Variants in SDHAF4 observed in about 807,000 individuals in gnomAD.
The protein encoded by SDHAF4 is succinate dehydrogenase assembly factor 4, mitochondrial.
A neutral mutation model predicts 14.3 loss-of-function variants in SDHAF4; 14 were observed. That is an observed-to-expected ratio of 0.98 (90% CI 0.65 to 1.53). The LOEUF is 1.53. Ranked by LOEUF, SDHAF4 falls within the 40% of genes most tolerant of loss-of-function variation. The probability of loss-of-function intolerance (pLI) is 0.00; values close to 1 mark genes in which losing one functional copy is unlikely to be tolerated. For synonymous variants in SDHAF4, 63 were observed against 47.3 expected, an observed-to-expected ratio of 1.33 and a Z score of -1.36; for missense variants, 141 against 129.3, an observed-to-expected ratio of 1.09 and a Z score of -0.44.
chr6:70,568,836 G>C (rs971193040), intron 1 of SDHAF4, among the ~76,000 whole-genome samples: 2 of 151,828 alleles, frequency 1.3e-5, no homozygotes, highest in African/African-American at 2.4e-5. Flanking sequence ...TTTGCCTTAG[G>C]TTTTAATTTT....
At chr6:70,586,741 G>A (rs1765205499) in intron 2 of SDHAF4, among the ~76,000 whole-genome samples, 1 of 152,078 alleles carries the variant, frequency 6.6e-6, no homozygotes, top group Admixed American at 6.5e-5. Context: ...TAGTGGGAGA[G>A]ACAGACAATA....
Position 70,589,206 on chromosome 6 carries a change from C to T in SDHAF4, c.*482C>T, listed in dbSNP as rs1338820569. On this transcript the variant is annotated 3_prime_UTR_variant, in exon 3 of 3. Coordinates refer to ENST00000370474, the MANE Select transcript of SDHAF4 (RefSeq NM_145267.3). ...TTGAGACAGAGTCTCTCTCTCTCAC[C>T]CAGGCTGGAGTGGAGTGGCACTATC... 1 of 152,076 alleles carries T rather than the reference C, an allele frequency of 6.6e-6. No homozygotes were observed. The highest frequency in any genetic ancestry group is 1.5e-5 in the Non-Finnish European group (1 of 68,070). The allele number at this position is 152,076 out of a possible 1,614,324, so 9.4% of individuals were successfully genotyped here.
At chr6:70,593,511 C>T (rs1765276736), downstream of SDHAF4, among the ~76,000 whole-genome samples, 1 of 152,162 alleles carries the variant, frequency 6.6e-6, no homozygotes, top group African/African-American at 2.4e-5. Context: ...TATGCAACAC[C>T]AGCCTGGAAA....
chr6:70,568,276 CAT>C lies in SDHAF4; in HGVS notation c.64+1283_64+1284del, dbSNP rs977705436. 5.9e-5 allele frequency among the ~76,000 whole-genome samples: 9 copies of C among 151,596 alleles called. No homozygotes were observed. In the South Asian group the frequency reaches 1.5e-3, roughly 25 times the overall value. ...AGTTTTAAACAATTATGAATTATTC[CAT>C]ATATATATATGTATACACACACACA... is the stretch of plus-strand genomic sequence containing the variant. On this transcript the variant is annotated intron_variant, in intron 1 of 2. Transcript: ENST00000370474.
intron 1 of SDHAF4, among the ~76,000 whole-genome samples, chr6:70,569,193 T>C (rs1395728103): frequency 6.6e-6 from 1 of 151,894 alleles, no homozygotes; most frequent in African/African-American, 2.4e-5. Context: ...CTCGATCTCC[T>C]GACCTCGTGA....
At chr6:70,575,726 T>TGTGA (rs141835202) in intron 1 of SDHAF4, among the ~76,000 whole-genome samples, 25 of 151,112 alleles carry the variant, frequency 1.7e-4, no homozygotes, top group Middle Eastern at 3.4e-3. Flanking sequence ...TGTGTGTGTG[T>TGTGA]GAGAGAGAGA....
chr6:70,589,394 G>T lies in SDHAF4; in HGVS notation c.*670G>T, dbSNP rs1765239177. On this transcript the variant is annotated 3_prime_UTR_variant, in exon 3 of 3. Coordinates refer to ENST00000370474, the MANE Select transcript of SDHAF4 (RefSeq NM_145267.3). Reference sequence around the variant, plus strand: ...TTAGCCAGGCTGGTCTCGAACTCCTGACCTCAGTTGATCCACCTGCCTCAG... The same window carrying T: ...TTAGCCAGGCTGGTCTCGAACTCCTTACCTCAGTTGATCCACCTGCCTCAG... The T allele has an allele frequency of 6.6e-6, 1 of 152,116 alleles. No individual in the cohort carries two copies. The highest frequency in any genetic ancestry group is 2.4e-5 in the African/African-American group (1 of 41,428). 9.4% of individuals were successfully genotyped at this position (152,116 alleles called of 1,614,324 possible). A position where few individuals can be genotyped will look rare whatever the true frequency, so the allele number is the denominator to read the frequency against.
At chr6:70,587,064 G>A (rs112428483) in intron 2 of SDHAF4, among the ~76,000 whole-genome samples, 19,678 of 151,936 alleles carry the variant, frequency 0.13, 1,545 homozygotes, top group Middle Eastern at 0.2. Flanking sequence ...CCAGCTACTC[G>A]AGAGGCTGAG....
chr6:70,594,168 T>C (rs960925251), downstream of SDHAF4, among the ~76,000 whole-genome samples: 7 of 152,242 alleles, frequency 4.6e-5, no homozygotes, highest in African/African-American at 1.7e-4. Flanking sequence ...GATAAGACTT[T>C]GGACTTTTGA....
At chr6:70,592,066 G>C (rs1198848860), downstream of SDHAF4, among the ~76,000 whole-genome samples, 1 of 152,228 alleles carries the variant, frequency 6.6e-6, no homozygotes, top group Non-Finnish European at 1.5e-5. Flanking sequence ...ACTCTGCAGA[G>C]AGCTTTCACT....
At chr6:70,586,243 G>T (rs1351958573) in intron 2 of SDHAF4, among the ~76,000 whole-genome samples, 4 of 152,014 alleles carry the variant, frequency 2.6e-5, no homozygotes, top group African/African-American at 4.8e-5. Flanking sequence ...GTAACCATGG[G>T]GTTTGGATAA....
At chr6:70,567,098 CCT>C in intron 1 of SDHAF4, 94 bp downstream of exon 1, 1 of 1,286,540 alleles carries the variant, frequency 7.8e-7, no homozygotes, top group Non-Finnish European at 1.1e-6. Flanking sequence ...CCGCGTGTGT[CCT>C]GGCCGTTCGG....
downstream of SDHAF4, among the ~76,000 whole-genome samples, chr6:70,592,177 A>G (rs573777788): frequency 6.6e-6 from 1 of 152,358 alleles, no homozygotes; most frequent in East Asian, 1.9e-4. Context: ...ACCCAGTATC[A>G]GGTATTTAGT....
At chr6:70,567,624 C>G (rs2128532920) in intron 1 of SDHAF4, 1 of 152,270 alleles carries the variant, frequency 6.6e-6, no homozygotes. Context: ...GGAAATTTTT[C>G]TCAAGATAAT....
At chr6:70,568,948 C>A (rs1032105604) in intron 1 of SDHAF4, among the ~76,000 whole-genome samples, 3 of 145,378 alleles carry the variant, frequency 2.1e-5, no homozygotes. Context: ...TTGTGAAATA[C>A]CTCTTTCTTT....
At chr6:70,581,286 TTA>T (rs138753752) in intron 2 of SDHAF4, among the ~76,000 whole-genome samples, 2,432 of 151,556 alleles carry the variant, frequency 0.016, 55 homozygotes, top group African/African-American at 0.056. Context: ...ATGAGAAATA[TTA>T]TGTTATATAT....
At chr6:70,586,858 A>G (rs1247714701) in intron 2 of SDHAF4, among the ~76,000 whole-genome samples, 1 of 152,196 alleles carries the variant, frequency 6.6e-6, no homozygotes, top group Non-Finnish European at 1.5e-5. Context: ...ATAAATAAAT[A>G]GATACAGTTT....
chr6:70,569,297 T>C (rs1802149420), intron 1 of SDHAF4, among the ~76,000 whole-genome samples: 1 of 151,264 alleles, frequency 6.6e-6, no homozygotes, highest in African/African-American at 2.4e-5. Flanking sequence ...AGACGGAGTT[T>C]CACTCTTGTT....
At chr6:70,592,634 G>A (rs778690379), downstream of SDHAF4, among the ~76,000 whole-genome samples, 7 of 152,104 alleles carry the variant, frequency 4.6e-5, no homozygotes, top group East Asian at 7.7e-4. Context: ...AATATTTGAC[G>A]GAAGAAATAT....
Sources: gnomAD v4.1 joint callset for allele counts (sites outside exome capture counted in the v4.1 genomes callset) on GRCh38, gnomAD v4.1.1 for gene constraint, MANE v1.5 for transcripts, NCBI Gene and HGNC (gene_info 2026-07-23, HGNC 2026-07-21) for gene names.